Variants in PCDHA5 observed in about 807,000 individuals in gnomAD.
PCDHA5 encodes protocadherin alpha-5.
In PCDHA5, 43 loss-of-function variants were observed where a neutral mutation model predicts 61.6. The ratio of observed to expected loss-of-function variants is 0.70; its 90% CI spans 0.55 to 0.90. The LOEUF (loss-of-function observed/expected upper bound fraction) is 0.90, where lower values mean the gene tolerates loss of function less well. Among genes scored for constraint, PCDHA5 ranks in the 40% least tolerant of loss-of-function variants. The probability of loss-of-function intolerance (pLI) is 0.00; values close to 1 mark genes in which losing one functional copy is unlikely to be tolerated. For missense variants in PCDHA5, 1,298 were observed against 1,222.7 expected (o/e 1.06, Z -0.92); for synonymous variants, 627 against 543.9 (o/e 1.15, Z -2.13).
chr5:140,971,500 TAGG>T (rs2096483491), intron 1 of PCDHA5, among the ~76,000 whole-genome samples: 2 of 152,136 alleles, frequency 1.3e-5, no homozygotes, highest in Admixed American at 1.3e-4. Flanking sequence ...TGTGGCAAGA[TAGG>T]AGCAAAAGCC....
chr5:140,961,694 G>A (rs1554225551), intron 1 of PCDHA5, among the ~76,000 whole-genome samples: 2 of 152,152 alleles, frequency 1.3e-5, no homozygotes, highest in Non-Finnish European at 2.9e-5. Flanking sequence ...GTAGTCCTTA[G>A]TATGAATGCC....
Position 140,862,212 on chromosome 5 carries a change from G to T in PCDHA5, c.2352+38085G>T, listed in dbSNP as rs2047258044. ...TTCCCCAATGTTTGATCACTGCACA[G>T]ACTTGATAGAAGTCTTGGACATCAA... On this transcript the variant is annotated intron_variant, in intron 1 of 3. Transcript: ENST00000529859. The T allele has an allele frequency of 2.0e-5, 4 of 203,790 alleles. No homozygotes were observed. In the South Asian group the frequency reaches 4.0e-4, roughly 20 times the overall value. The allele number at this position is 203,790 out of a possible 1,614,324, so 12.6% of individuals were successfully genotyped here.
rs10569930 is a variant in PCDHA5, at chr5:140,925,641, TATAATAATAATA to T, written c.2353-53282_2353-53271del. On this transcript the variant is annotated intron_variant, in intron 1 of 3. Coordinates refer to ENST00000529859, the MANE Select transcript of PCDHA5 (RefSeq NM_018908.3). ...TGCACATGTACCCTAGAACTTAAAG[TATAATAATAATA>T]ATAATAATAATAATAATAATAATAA... Among the ~76,000 whole-genome samples the T allele has an allele frequency of 2.0e-4, 29 of 143,352 alleles. 1 individual carries two copies. Among genetic ancestry groups the T allele is most frequent in the Admixed American group, 7.0e-4 (10 of 14,330 alleles). 94.0% of individuals were successfully genotyped at this position (143,352 alleles called of 152,430 possible). A position where few individuals can be genotyped will look rare whatever the true frequency, so the allele number is the denominator to read the frequency against.
At chr5:140,900,957 A>C (rs1264192105) in intron 1 of PCDHA5, among the ~76,000 whole-genome samples, 1 of 152,206 alleles carries the variant, frequency 6.6e-6, no homozygotes, top group African/African-American at 2.4e-5. Flanking sequence ...TCTGATTATC[A>C]GTGATGTTGA....
intron 1 of PCDHA5, among the ~76,000 whole-genome samples, chr5:140,942,347 G>T (rs2093273719): frequency 6.6e-6 from 1 of 151,956 alleles, no homozygotes; most frequent in Non-Finnish European, 1.5e-5. Flanking sequence ...GGGAGGCGGA[G>T]GTTGCAGTTA....
At chr5:140,953,284 T>G (rs2094869714) in intron 1 of PCDHA5, among the ~76,000 whole-genome samples, 1 of 152,160 alleles carries the variant, frequency 6.6e-6, no homozygotes, top group Admixed American at 6.5e-5. Flanking sequence ...TCTTTATATG[T>G]GATTCAGGGA....
intron 1 of PCDHA5, chr5:140,862,866 GC>G (rs11321479): frequency 0.66 from 374,898 of 571,004 alleles, 123,608 homozygotes; most frequent in Middle Eastern, 0.71. Context: ...ATGTGACGCT[GC>G]CAGGTATTAG....
At chr5:140,989,462 G>A (rs531421005) in intron 3 of PCDHA5, among the ~76,000 whole-genome samples, 27 of 152,326 alleles carry the variant, frequency 1.8e-4, no homozygotes, top group Non-Finnish European at 2.9e-4. Context: ...GTTAGGCTTG[G>A]AACTCCTCCT....
In PCDHA5 at chr5:141,010,432, C is replaced by T; in HGVS notation, c.*495C>T. On this transcript the variant is annotated 3_prime_UTR_variant, in exon 4 of 4. Coordinates refer to ENST00000529859, the MANE Select transcript of PCDHA5 (RefSeq NM_018908.3). The stretch of plus-strand genomic sequence containing the variant: ...AATTGGTACAAGGAAGGCAAGAAAA[C>T]AAAGACAAATAAACAGCGGAAGTTA... 1 of 1,056,970 alleles carries T rather than the reference C, an allele frequency of 9.5e-7. No individual in the cohort carries two copies. The highest frequency in any genetic ancestry group is 1.3e-6 in the Non-Finnish European group (1 of 756,282). 65.5% of individuals were successfully genotyped at this position (1,056,970 alleles called of 1,614,324 possible).
At chr5:140,917,941 T>C (rs1415827294) in intron 1 of PCDHA5, among the ~76,000 whole-genome samples, 1 of 152,146 alleles carries the variant, frequency 6.6e-6, no homozygotes, top group Non-Finnish European at 1.5e-5. Flanking sequence ...ATAATATTGG[T>C]AGTTTGATAG....
At chr5:140,929,508 A>T in intron 1 of PCDHA5, 1 of 831,408 alleles carries the variant, frequency 1.2e-6, no homozygotes, top group Non-Finnish European at 1.7e-6. Context: ...CCTAGGCCTC[A>T]AGGGACTTAT....
intron 1 of PCDHA5, chr5:140,835,991 C>T (rs781942603): frequency 1.2e-6 from 2 of 1,613,268 alleles, no homozygotes; most frequent in Non-Finnish European, 1.7e-6. Context: ...TCCAGGTGAG[C>T]GCGCGCGATG....
At chr5:140,850,558 G>T (rs2150489293) in intron 1 of PCDHA5, 3 of 1,598,326 alleles carry the variant, frequency 1.9e-6, no homozygotes, top group Non-Finnish European at 2.6e-6. Flanking sequence ...GGTGCCACGG[G>T]CCCCGAGGTG....
At chr5:140,887,348 G>C (rs997332881) in intron 1 of PCDHA5, among the ~76,000 whole-genome samples, 1 of 151,978 alleles carries the variant, frequency 6.6e-6, no homozygotes, top group Non-Finnish European at 1.5e-5. Flanking sequence ...CACCTGGCTC[G>C]GCCTCCCAAA....
At chr5:140,883,945 C>T in intron 1 of PCDHA5, 1 of 1,613,378 alleles carries the variant, frequency 6.2e-7, no homozygotes, top group Non-Finnish European at 8.5e-7. Context: ...TGGACGAGAA[C>T]GACAACGCTC....
At chr5:140,924,901 A>AAAAAAATAAAT (rs369245222) in intron 1 of PCDHA5, among the ~76,000 whole-genome samples, 34 of 80,504 alleles carry the variant, frequency 4.2e-4, no homozygotes, top group Non-Finnish European at 7.7e-4. Context: ...TCTCAAAAAA[A>AAAAAAATAAAT]AAAATAAAAT....
intron 1 of PCDHA5, among the ~76,000 whole-genome samples, chr5:140,886,261 T>C (rs1162814294): frequency 1.3e-5 from 2 of 152,036 alleles, no homozygotes; most frequent in African/African-American, 4.8e-5. Context: ...TCTCTATTTA[T>C]AGATAAAATT....
chr5:140,929,285 T>C, intron 1 of PCDHA5: 15 of 1,600,688 alleles, frequency 9.4e-6, no homozygotes, highest in Non-Finnish European at 1.3e-5. Flanking sequence ...TGTATTCAGA[T>C]TCGGAATAGG....
At position 140,870,884 on chromosome 5, in the gene PCDHA5, G is replaced by T. The variant is rs376620715; in HGVS notation, c.2352+46757G>T. On this transcript the variant is annotated intron_variant, in intron 1 of 3. Coordinates refer to ENST00000529859, the MANE Select transcript of PCDHA5 (RefSeq NM_018908.3). ...GCGGGCCACGTGGTGGCGAAGGTGC[G>T]CGCAGTGGATGCGGACTCAGGCTAC... is the stretch of plus-strand genomic sequence containing the variant. The T allele has an allele frequency of 9.3e-6, 15 of 1,613,948 alleles. No individual in the cohort carries two copies. In the African/African-American group the frequency reaches 1.7e-4, roughly 19 times the overall value.
Sources: gnomAD v4.1 joint callset for allele counts (sites outside exome capture counted in the v4.1 genomes callset) on GRCh38, gnomAD v4.1.1 for gene constraint, MANE v1.5 for transcripts, NCBI Gene and HGNC (gene_info 2026-07-23, HGNC 2026-07-21) for gene names.